Variants in USP10 observed in about 807,000 individuals in gnomAD.
The protein encoded by USP10 is ubiquitin specific peptidase 10.
In USP10, 22 loss-of-function variants were observed where a neutral mutation model predicts 84.5. That is an observed-to-expected ratio of 0.26 (90% CI 0.19 to 0.37). The LOEUF (loss-of-function observed/expected upper bound fraction) is 0.37, where lower values mean the gene tolerates loss of function less well. USP10 is among the 10% of genes least tolerant of loss of function. The probability of loss-of-function intolerance (pLI) is 1.00; values close to 1 mark genes in which losing one functional copy is unlikely to be tolerated. For missense variants in USP10, 1,019 were observed against 998.9 expected (o/e 1.02, Z -0.27); for synonymous variants, 454 against 387.6 (o/e 1.17, Z -2.01).
chr16:84,721,059 A>C (rs900320511), intron 1 of USP10, among the ~76,000 whole-genome samples: 4 of 151,538 alleles, frequency 2.6e-5, no homozygotes, highest in Middle Eastern at 3.4e-3. Context: ...ATGCCTGACT[A>C]ATTTTTGTAT....
chr16:84,741,661 C>CT, intron 3 of USP10, among the ~76,000 whole-genome samples: 1 of 152,338 alleles, frequency 6.6e-6, no homozygotes, highest in East Asian at 1.9e-4. Flanking sequence ...TCTGTTCCCT[C>CT]TAAGTCCTGC....
chr16:84,736,954 A>T (rs745663557), intron 2 of USP10, among the ~76,000 whole-genome samples: 2 of 152,084 alleles, frequency 1.3e-5, no homozygotes, highest in East Asian at 1.9e-4. Context: ...TCGCCCGGCT[A>T]ATTTTTTGTG....
chr16:84,731,231 G>A (rs1289946635), intron 1 of USP10, among the ~76,000 whole-genome samples: 1 of 151,358 alleles, frequency 6.6e-6, no homozygotes, highest in Non-Finnish European at 1.5e-5. Context: ...CGCCCACCTC[G>A]GCCTCCCAGA....
intron 4 of USP10, among the ~76,000 whole-genome samples, chr16:84,750,091 T>C (rs1241930667): frequency 6.6e-6 from 1 of 152,098 alleles, no homozygotes; most frequent in African/African-American, 2.4e-5. Context: ...TGGTTGCCAT[T>C]TATCAGTAGG....
Position 84,778,920 on chromosome 16 carries a change from G to C in USP10, c.2235G>C (p.Ala745=), listed in dbSNP as rs781674201. The C allele has an allele frequency of 1.1e-5, 17 of 1,613,774 alleles. No individual in the cohort carries two copies. The highest frequency in any genetic ancestry group is 1.4e-5 in the Non-Finnish European group (17 of 1,179,820). ...FAVVYHHGNS[A]TGGHYTTDVF... is the part of the protein sequence containing the mutation. ...TGGTCTACCATCACGGCAACAGTGC[G>C]ACGGGCGGCCATTACACTACAGACG... is the stretch of plus-strand genomic sequence containing the variant. The change falls in exon 14 of 14, where the codon GCG becomes GCC. Residue 745 remains alanine (A), a synonymous_variant. Transcript: ENST00000219473.
intron 4 of USP10, among the ~76,000 whole-genome samples, chr16:84,748,153 C>CAAAAAAAAAAAA (rs1169089505): frequency 2.0e-5 from 1 of 51,176 alleles, no homozygotes; most frequent in Non-Finnish European, 3.4e-5. Context: ...GACTCCATCT[C>CAAAAAAAAAAAA]AAAAAAAAAA....
At chr16:84,728,340 A>G (rs1424185183) in intron 1 of USP10, among the ~76,000 whole-genome samples, 1 of 144,798 alleles carries the variant, frequency 6.9e-6, no homozygotes, top group African/African-American at 2.7e-5. Context: ...ATATTGAATA[A>G]ATATTTGGCC....
chr16:84,756,270 C>T (rs934029335), intron 4 of USP10, among the ~76,000 whole-genome samples: 5 of 152,234 alleles, frequency 3.3e-5, no homozygotes, highest in Admixed American at 6.5e-5. Flanking sequence ...GGGGTTTACT[C>T]GCCTTCAGCG....
intron 1 of USP10, among the ~76,000 whole-genome samples, chr16:84,719,663 A>G (rs367677668): frequency 2.0e-4 from 31 of 152,336 alleles, no homozygotes; most frequent in African/African-American, 7.5e-4. Context: ...GGTGGAAAAC[A>G]TCTCTTCTAG....
At chr16:84,763,887 G>A (rs1057514616) in intron 9 of USP10, among the ~76,000 whole-genome samples, 199 bp from the exon 10 acceptor site, 10 of 152,108 alleles carry the variant, frequency 6.6e-5, no homozygotes, top group Non-Finnish European at 1.3e-4. Flanking sequence ...ATTGGTTGCC[G>A]TGGATCCAGT....
intron 13 of USP10, among the ~76,000 whole-genome samples, chr16:84,777,295 G>T (rs1193169637): frequency 6.6e-6 from 1 of 152,202 alleles, no homozygotes; most frequent in African/African-American, 2.4e-5. Context: ...TTTTAGAATG[G>T]AGATGTCTTG....
chr16:84,776,929 C>T lies in USP10; in HGVS notation c.2209+1704C>T, dbSNP rs559973732. Among the ~76,000 whole-genome samples, 610 of 152,354 alleles carry T rather than the reference C, an allele frequency of 4.0e-3. 7 individuals are homozygous for T. Among genetic ancestry groups the T allele is most frequent in the Middle Eastern group, 0.037 (11 of 294 alleles). On this transcript the variant is annotated intron_variant, in intron 13 of 13. Transcript: ENST00000219473. ...CCAGGTTCAAGTGATTCTTGTGCCT[C>T]AGCCCCCCGAGTAGCTGGGATTACA...
chr16:84,739,201 G>A (rs1316114064), intron 2 of USP10, among the ~76,000 whole-genome samples: 5 of 151,468 alleles, frequency 3.3e-5, no homozygotes, highest in Non-Finnish European at 7.4e-5. Flanking sequence ...TGGGACTACA[G>A]GCACCCACCA....
chr16:84,757,413 G>A (rs1259735730), intron 4 of USP10, among the ~76,000 whole-genome samples: 1 of 135,926 alleles, frequency 7.4e-6, no homozygotes, highest in Non-Finnish European at 1.7e-5. Flanking sequence ...GTGTGTGTGT[G>A]TGTGTGTGTG....
chr16:84,738,966 T>A (rs1329511390), intron 2 of USP10, among the ~76,000 whole-genome samples: 1 of 152,188 alleles, frequency 6.6e-6, no homozygotes, highest in African/African-American at 2.4e-5. Flanking sequence ...GAACAGACTT[T>A]GGGAAGTGCT....
chr16:84,735,232 TGTGTGG>T (rs1353945820), intron 2 of USP10, among the ~76,000 whole-genome samples: 3 of 147,006 alleles, frequency 2.0e-5, no homozygotes, highest in African/African-American at 7.6e-5. Flanking sequence ...TGTGTGTGTG[TGTGTGG>T]TGTGTGTGTT....
chr16:84,735,604 C>G (rs779296259), intron 2 of USP10, among the ~76,000 whole-genome samples: 19 of 152,030 alleles, frequency 1.2e-4, no homozygotes, highest in Non-Finnish European at 2.5e-4. Flanking sequence ...AATGTATGGT[C>G]CGATAACTAG....
rs62050890 is a variant in USP10, at chr16:84,774,373, C to T, written c.2144-787C>T. 8.9e-4 allele frequency among the ~76,000 whole-genome samples: 136 copies of T among 152,248 alleles called. No individual in the cohort carries two copies. The Middle Eastern group carries it at 0.017, about 19-fold the overall frequency. ...TGTGTCGGTGTAAGTGGTACTTCTG[C>T]GCACAGTAAGAGCAGGGAGTTCCCG... On this transcript the variant is annotated intron_variant, in intron 12 of 13. Transcript: ENST00000219473.
At chr16:84,769,838 G>A (rs1237362988) in intron 11 of USP10, among the ~76,000 whole-genome samples, 1 of 152,168 alleles carries the variant, frequency 6.6e-6, no homozygotes, top group East Asian at 1.9e-4. Context: ...GGGCTGGTAG[G>A]GGTGGCGGTG....
Sources: allele counts gnomAD v4.1 joint callset (sites outside exome capture counted in the v4.1 genomes callset), GRCh38; gene constraint gnomAD v4.1.1; transcripts MANE v1.5; gene names NCBI Gene and HGNC (gene_info 2026-07-23, HGNC 2026-07-21).